MAP3K1: variants seen among roughly 807,000 people sequenced by gnomAD.
MAP3K1 encodes the protein mitogen-activated protein kinase kinase kinase 1, also known as MAP/ERK kinase kinase 1.
A neutral mutation model predicts 144.2 loss-of-function variants in MAP3K1; 36 were observed. That is an observed-to-expected ratio of 0.25 (90% CI 0.19 to 0.33). The LOEUF (loss-of-function observed/expected upper bound fraction) is 0.33. Among genes scored for constraint, MAP3K1 ranks in the 10% least tolerant of loss-of-function variants. The pLI, the probability that MAP3K1 is intolerant of heterozygous loss-of-function variation, is 1.00. For synonymous variants in MAP3K1, 718 were observed against 688.7 expected, an observed-to-expected ratio of 1.04 and a Z score of -0.67; for missense variants, 1,650 against 1,881.9, an observed-to-expected ratio of 0.88 and a Z score of 2.28.
chr5:56,885,866 C>G, intron 16 of MAP3K1, 66 bp from the exon 17 acceptor site: 1 of 1,464,080 alleles, frequency 6.8e-7, no homozygotes, highest in Non-Finnish European at 9.5e-7. Flanking sequence ...ACTTTAGAAA[C>G]CAAAGTGTAA....
chr5:56,857,313 GAAAGAA>G (rs1747372030), intron 2 of MAP3K1, among the ~76,000 whole-genome samples: 1 of 152,052 alleles, frequency 6.6e-6, no homozygotes, highest in Non-Finnish European at 1.5e-5. Context: ...GGGGTTTGAT[GAAAGAA>G]AATCTAGAGT....
intron 5 of MAP3K1, 81 bp downstream of exon 5, chr5:56,865,537 T>C: frequency 1.1e-6 from 1 of 873,556 alleles, no homozygotes. Context: ...TCACTAAATT[T>C]AGGCAGTGAC....
At chr5:56,825,472 A>G (rs1203505432) in intron 1 of MAP3K1, among the ~76,000 whole-genome samples, 1 of 152,224 alleles carries the variant, frequency 6.6e-6, no homozygotes, top group Non-Finnish European at 1.5e-5. Flanking sequence ...CTTTTGTGAC[A>G]GAATCCTGCA....
At position 56,881,570 on chromosome 5, in the gene MAP3K1, G is replaced by A. The variant is rs765882456; in HGVS notation, c.2370G>A (p.Arg790=). ...GGTAATGAATGTTTTTTTCTTTCAG[G>A]TATAAGAAGCTGCTGTCCCTCTTAA... The part of the protein sequence containing the change: ...DVSQAEPVEI[R]YKKLLSLLTF... The change falls in exon 14 of 20, where the codon AGG becomes AGA. Residue 790 remains arginine, a splice_region_variant and synonymous_variant. Transcript: ENST00000399503. 2.9e-5 allele frequency: 46 copies of A among 1,607,028 alleles called. No individual in the cohort carries two copies. Among genetic ancestry groups the A allele is most frequent in the Non-Finnish European group, 3.7e-5 (44 of 1,174,480 alleles).
At chr5:56,826,274 A>G (rs1184633337) in intron 1 of MAP3K1, among the ~76,000 whole-genome samples, 1 of 152,194 alleles carries the variant, frequency 6.6e-6, no homozygotes, top group Non-Finnish European at 1.5e-5. Context: ...TCAGTGCTGT[A>G]CTGTGAATTC....
At chr5:56,829,177 T>C (rs1038634202) in intron 1 of MAP3K1, among the ~76,000 whole-genome samples, 6 of 151,720 alleles carry the variant, frequency 4.0e-5, no homozygotes, top group Non-Finnish European at 8.8e-5. Context: ...TTTTCTTCTT[T>C]TTTTTTTTTT....
At chr5:56,886,915 AT>A (rs1470113887) in intron 17 of MAP3K1, among the ~76,000 whole-genome samples, 1 of 151,970 alleles carries the variant, frequency 6.6e-6, no homozygotes, top group Non-Finnish European at 1.5e-5. Flanking sequence ...GTGCACCACC[AT>A]GCCTGGCTAA....
intron 1 of MAP3K1, among the ~76,000 whole-genome samples, chr5:56,846,464 C>G (rs1032693275): frequency 1.3e-5 from 2 of 152,196 alleles, no homozygotes; most frequent in Non-Finnish European, 2.9e-5. Flanking sequence ...GTACCTGACT[C>G]AAATTGATAG....
At position 56,875,102 on chromosome 5, in the gene MAP3K1, G is replaced by T. The variant is rs748356370; in HGVS notation, c.1757G>T (p.Arg586Leu). 7 of 1,614,046 alleles carry T rather than the reference G, an allele frequency of 4.3e-6. No individual in the cohort carries two copies. Among genetic ancestry groups the T allele is most frequent in the Non-Finnish European group, 5.9e-6 (7 of 1,180,032 alleles). The change falls in exon 10 of 20, where the codon CGT becomes CTT. Residue 586 changes from arginine (R) to leucine (L), a missense_variant. Physicochemically the swap from Arg to Leu is moderately radical, Grantham distance 102. Coordinates refer to ENST00000399503, the MANE Select transcript of MAP3K1 (RefSeq NM_005921.2). Reference sequence around the variant, plus strand: ...AATGTGAGAGAGATGGCCCTCAGGCGTCTTTCCCATGATGTCAGTGGGGCC... The same window carrying T: ...AATGTGAGAGAGATGGCCCTCAGGCTTCTTTCCCATGATGTCAGTGGGGCC... ...NWNVREMALR[R>L]LSHDVSGALL...
At chr5:56,869,566 A>G (rs1268975963) in intron 6 of MAP3K1, among the ~76,000 whole-genome samples, 1 of 152,252 alleles carries the variant, frequency 6.6e-6, no homozygotes, top group Non-Finnish European at 1.5e-5. Context: ...TAGTGCATAT[A>G]TATACATAAA....
chr5:56,882,059 G>A lies in MAP3K1; in HGVS notation c.2859G>A (p.Lys953=). ...CAACAACAACAACAGAGCAACCAAA[G>A]CCAATGGTTCAAACAAAAGGCAGAC... The part of the protein sequence containing the change: ...TTTTTTTEQP[K]PMVQTKGRPH... The change falls in exon 14 of 20, where the codon AAG becomes AAA. Residue 953 remains lysine, a synonymous_variant. Coordinates refer to ENST00000399503, the MANE Select transcript of MAP3K1 (RefSeq NM_005921.2). The A allele has an allele frequency of 6.2e-7, 1 of 1,614,012 alleles. No individual in the cohort carries two copies. The highest frequency in any genetic ancestry group is 1.1e-5 in the South Asian group (1 of 91,082).
At position 56,819,096 on chromosome 5, in the gene MAP3K1, A is replaced by G. The variant is rs545602294; in HGVS notation, c.482+3041A>G. Among the ~76,000 whole-genome samples the G allele has an allele frequency of 4.6e-5, 7 of 152,344 alleles. No individual in the cohort carries two copies. The South Asian group carries it at 1.4e-3, about 32-fold the overall frequency. Reference sequence around the variant, plus strand: ...TGGTGTCAGTTTCATTTTAAATCAGATAAGAAAATTAATGCATTCTTCAAA... The same window carrying G: ...TGGTGTCAGTTTCATTTTAAATCAGGTAAGAAAATTAATGCATTCTTCAAA... On this transcript the variant is annotated intron_variant, in intron 1 of 19. Coordinates refer to ENST00000399503, the MANE Select transcript of MAP3K1 (RefSeq NM_005921.2).
chr5:56,844,212 CAG>C (rs1418951914), intron 1 of MAP3K1, among the ~76,000 whole-genome samples: 3 of 85,408 alleles, frequency 3.5e-5, no homozygotes, highest in Non-Finnish European at 4.4e-5. Flanking sequence ...TTTTTTGAGA[CAG>C]AGTCTCGCTC....
At chr5:56,830,371 T>C (rs1746449710) in intron 1 of MAP3K1, among the ~76,000 whole-genome samples, 1 of 152,202 alleles carries the variant, frequency 6.6e-6, no homozygotes. Flanking sequence ...GTTCCGTCTC[T>C]GTTTCTTGTT....
chr5:56,892,769 G>T (rs576568543), intron 19 of MAP3K1, among the ~76,000 whole-genome samples: 2 of 152,246 alleles, frequency 1.3e-5, no homozygotes, highest in South Asian at 2.1e-4. Flanking sequence ...CACTATCTCT[G>T]CCTGGAGTCA....
chr5:56,890,330 A>G (rs1748511888), intron 19 of MAP3K1, among the ~76,000 whole-genome samples: 1 of 152,238 alleles, frequency 6.6e-6, no homozygotes. Context: ...ATATTTTAAC[A>G]GATTTCATTG....
chr5:56,890,620 C>G (rs763594738), intron 19 of MAP3K1, among the ~76,000 whole-genome samples: 6 of 152,158 alleles, frequency 3.9e-5, no homozygotes, highest in African/African-American at 9.7e-5. Context: ...GTGCCAAGTT[C>G]AGGATTATTC....
chr5:56,829,651 C>T (rs1319490259), intron 1 of MAP3K1, among the ~76,000 whole-genome samples: 1 of 152,170 alleles, frequency 6.6e-6, no homozygotes, highest in Admixed American at 6.5e-5. Flanking sequence ...CTGTTGTGAT[C>T]AGTTATTAGA....
chr5:56,869,743 T>C (rs993750356), intron 6 of MAP3K1, among the ~76,000 whole-genome samples: 3 of 152,210 alleles, frequency 2.0e-5, no homozygotes, highest in Non-Finnish European at 4.4e-5. Context: ...AATTTTGGTA[T>C]AATTATTTGA....
Sources: allele counts gnomAD v4.1 joint callset (sites outside exome capture counted in the v4.1 genomes callset), GRCh38; gene constraint gnomAD v4.1.1; transcripts MANE v1.5; gene names NCBI Gene and HGNC (gene_info 2026-07-23, HGNC 2026-07-21).